Variants in MCFD2 observed in about 807,000 individuals in gnomAD.
MCFD2 encodes the protein multiple coagulation factor deficiency protein 2.
In MCFD2, 11 loss-of-function variants were observed where a neutral mutation model predicts 12.8. That is an observed-to-expected ratio of 0.86 (90% CI 0.54 to 1.42). The LOEUF (loss-of-function observed/expected upper bound fraction) is 1.42, where lower values mean the gene tolerates loss of function less well. MCFD2 is among the 40% of genes most tolerant of loss of function. The probability of loss-of-function intolerance (pLI) is 0.00; values close to 1 mark genes in which losing one functional copy is unlikely to be tolerated. For missense variants in MCFD2, 191 were observed against 178.6 expected (o/e 1.07, Z -0.40); for synonymous variants, 70 against 68.1 (o/e 1.03, Z -0.14).
chr2:46,916,095 A>T (rs1460895869), upstream of MCFD2: 32 of 985,430 alleles, frequency 3.2e-5, no homozygotes, highest in Non-Finnish European at 3.5e-5. Context: ...TCCACGGGCG[A>T]CGTAGGATGG....
chr2:46,925,490 G>A (rs1032236575), intron 1 of MCFD2, among the ~76,000 whole-genome samples: 1 of 152,058 alleles, frequency 6.6e-6, no homozygotes, highest in African/African-American at 2.4e-5. Flanking sequence ...CCTGGGAGGC[G>A]GAGGTTGCAG....
chr2:46,926,946 T>C (rs1400132378), intron 1 of MCFD2, among the ~76,000 whole-genome samples: 1 of 151,306 alleles, frequency 6.6e-6, no homozygotes, highest in Admixed American at 6.6e-5. Flanking sequence ...AAGAACTAAA[T>C]AGAAATTTGT....
At chr2:46,934,569 C>T (rs943951381) in intron 1 of MCFD2, among the ~76,000 whole-genome samples, 5 of 152,002 alleles carry the variant, frequency 3.3e-5, no homozygotes, top group African/African-American at 1.2e-4. Flanking sequence ...CCACCCAACC[C>T]GGCCTGTGAC....
chr2:46,930,746 C>T (rs542255577), intron 1 of MCFD2, among the ~76,000 whole-genome samples: 49 of 152,084 alleles, frequency 3.2e-4, no homozygotes, highest in Non-Finnish European at 5.6e-4. Context: ...GTGATCCACC[C>T]GCCTCAGCCT....
intron 1 of MCFD2, chr2:46,912,766 C>T (rs1254615731): frequency 6.6e-6 from 1 of 152,200 alleles, no homozygotes; most frequent in African/African-American, 2.4e-5. Context: ...TTTAAGAGGA[C>T]TTGGACTGAA....
chr2:46,919,527 C>CT (rs1488253748), upstream of MCFD2, among the ~76,000 whole-genome samples: 1 of 152,246 alleles, frequency 6.6e-6, no homozygotes, highest in East Asian at 1.9e-4. Context: ...GAGCTAAACT[C>CT]TGTCTCTAAA....
Position 46,941,003 on chromosome 2 carries a change from G to GT in MCFD2, c.-8+568_-8+569insA, listed in dbSNP as rs1670285345. Among the ~76,000 whole-genome samples the GT allele has an allele frequency of 6.6e-6, 1 of 151,508 alleles. No individual in the cohort carries two copies. Among genetic ancestry groups the GT allele is most frequent in the South Asian group, 2.1e-4 (1 of 4,820 alleles). ...AAGCGAGGCGCCCCCGGGCGCCGGG[G>GT]CTCCGCGCGGGATTAAAGTGAGCTC... On this transcript the variant is annotated intron_variant, in intron 1 of 2. Coordinates refer to the MCFD2 transcript ENST00000409147. The surrounding 1 kb of genome is among the most constrained non-coding windows in gnomAD (Gnocchi z 4.2).
At chr2:46,909,199 A>C in intron 1 of MCFD2, 22 bp from the exon 2 acceptor site, 1 of 1,606,312 alleles carries the variant, frequency 6.2e-7, no homozygotes, top group Non-Finnish European at 8.5e-7. Context: ...GAAACACAGA[A>C]GAGGAAGGCA....
In MCFD2 at chr2:46,904,392, GGAAAAGCC is replaced by G. The variant is rs1269161263; in HGVS notation, c.*1063_*1070del. On this transcript the variant is annotated 3_prime_UTR_variant, in exon 4 of 4. Transcript: ENST00000319466. ...CACCAACAGCTTGCACCGTGCACCT[GGAAAAGCC>G]GCAGGCACTGAACAACAGCCGTGAA... 6.5e-6 allele frequency: 1 copy of G among 153,742 alleles called. No individual in the cohort carries two copies. The highest frequency in any genetic ancestry group is 2.6e-5 in the African/African-American group (1 of 38,798). The allele number at this position is 153,742 out of a possible 1,614,324, so 9.5% of individuals were successfully genotyped here. A position where few individuals can be genotyped will look rare whatever the true frequency, so the allele number is the denominator to read the frequency against.
chr2:46,914,653 T>C lies in MCFD2; in HGVS notation c.-7+1070A>G, dbSNP rs191073884. ...TAGTACTATGACCTCGACAAACTCCTCTCACACAGATTACAACCTGGTAGA... is the reference window on the plus strand; with the variant it reads ...TAGTACTATGACCTCGACAAACTCCCCTCACACAGATTACAACCTGGTAGA... On this transcript the variant is annotated intron_variant, in intron 1 of 3. Transcript: ENST00000319466. 1.1e-4 allele frequency among the ~76,000 whole-genome samples: 16 copies of C among 152,208 alleles called. No individual in the cohort carries two copies. In the East Asian group the frequency reaches 3.1e-3, roughly 29 times the overall value.
At chr2:46,924,206 T>TAA (rs34177384) in intron 1 of MCFD2, among the ~76,000 whole-genome samples, 11 of 128,754 alleles carry the variant, frequency 8.5e-5, no homozygotes, top group South Asian at 2.5e-4. Context: ...CCTGTCTCTT[T>TAA]AAAAAAAAAA....
In MCFD2 at chr2:46,904,560, A is replaced by C. The variant is rs1351331105; in HGVS notation, c.*903T>G. On this transcript the variant is annotated 3_prime_UTR_variant, in exon 4 of 4. Coordinates refer to ENST00000319466, the MANE Select transcript of MCFD2 (RefSeq NM_139279.6). ...AAAGGAGATTATTCTGGAACTTTAA[A>C]ATTTGACAGCCCTGCTGGATTTCGG... is the stretch of plus-strand genomic sequence containing the variant. 3 of 152,150 alleles carry C rather than the reference A, an allele frequency of 2.0e-5. No homozygotes were observed. Among genetic ancestry groups the C allele is most frequent in the African/African-American group, 7.2e-5 (3 of 41,420 alleles). 9.4% of individuals were successfully genotyped at this position (152,150 alleles called of 1,614,324 possible).
chr2:46,922,613 TG>T (rs1475091317), intron 1 of MCFD2, among the ~76,000 whole-genome samples: 1 of 152,178 alleles, frequency 6.6e-6, no homozygotes, highest in Non-Finnish European at 1.5e-5. Context: ...CTGCAAATTT[TG>T]TTTCTGGTTC....
At position 46,905,297 on chromosome 2, in the gene MCFD2, C is replaced by A; in HGVS notation, c.*166G>T. ...CTATTAGATGTCCCATTTCTCTTCT[C>A]TTTCATTTCTCTTATCTCTTCTCAC... On this transcript the variant is annotated 3_prime_UTR_variant, in exon 4 of 4. Transcript: ENST00000319466. 1.4e-6 allele frequency: 1 copy of A among 735,706 alleles called. No homozygotes were observed. Among genetic ancestry groups the A allele is most frequent in the Non-Finnish European group, 2.4e-6 (1 of 418,588 alleles). 45.6% of individuals were successfully genotyped at this position (735,706 alleles called of 1,614,324 possible).
chr2:46,908,605 T>G lies in MCFD2; in HGVS notation c.149+418A>C, dbSNP rs1668345601. ...ACCGAGTATAATGCGTGAGGCTAAC[T>G]GGCCCAAGACAAAAGCTGCAACAAA... On this transcript the variant is annotated intron_variant, in intron 2 of 3. Coordinates refer to ENST00000319466, the MANE Select transcript of MCFD2 (RefSeq NM_139279.6). The surrounding 1 kb of genome is among the most constrained non-coding windows in gnomAD (Gnocchi z 4.5). 3.2e-6 allele frequency: 1 copy of G among 311,640 alleles called. No individual in the cohort carries two copies. The highest frequency in any genetic ancestry group is 2.2e-5 in the African/African-American group (1 of 45,746). 19.3% of individuals were successfully genotyped at this position (311,640 alleles called of 1,614,324 possible). A position where few individuals can be genotyped will look rare whatever the true frequency, so the allele number is the denominator to read the frequency against.
chr2:46,917,929 A>G (rs1328707458), upstream of MCFD2, among the ~76,000 whole-genome samples: 1 of 152,204 alleles, frequency 6.6e-6, no homozygotes, highest in East Asian at 1.9e-4. Flanking sequence ...TTCTCAATCT[A>G]TAATTATCAA....
At chr2:46,915,656 A>G (rs1668713525) in intron 1 of MCFD2, 67 bp downstream of exon 1, 1 of 584,416 alleles carries the variant, frequency 1.7e-6, no homozygotes, top group Non-Finnish European at 2.2e-6. Flanking sequence ...TCTTGAGCCC[A>G]AGCCTCCAGC....
Position 46,908,107 on chromosome 2 carries a change from A to AGGATTACACAG in MCFD2, c.150-139_150-138insCTGTGTAATCC, listed in dbSNP as rs1558461834. On this transcript the variant is annotated intron_variant, in intron 2 of 3. Transcript: ENST00000319466. This position sits in a 1 kb window ranked among gnomAD's most constrained non-coding sequence, Gnocchi z 4.5. Reference sequence around the variant, plus strand: ...ACACCAGCAGTGGCAGACCACACTCAAGGATTACACAGAGATAGACAAGGC... The same window carrying AGGATTACACAG: ...ACACCAGCAGTGGCAGACCACACTCAGGATTACACAGAGGATTACACAGAGATAGACAAGGC... The AGGATTACACAG allele has an allele frequency of 1.1e-6, 1 of 885,514 alleles. No homozygotes were observed. Among genetic ancestry groups the AGGATTACACAG allele is most frequent in the African/African-American group, 1.7e-5 (1 of 60,384 alleles). The allele number at this position is 885,514 out of a possible 1,614,324, so 54.9% of individuals were successfully genotyped here. A position where few individuals can be genotyped will look rare whatever the true frequency, so the allele number is the denominator to read the frequency against.
chr2:46,912,140 A>G (rs1668513030), intron 1 of MCFD2, among the ~76,000 whole-genome samples: 1 of 152,134 alleles, frequency 6.6e-6, no homozygotes, highest in Admixed American at 6.5e-5. Context: ...GTTTGAGACC[A>G]GCCTGGCCAA....
Sources: gnomAD v4.1 joint callset for allele counts (sites outside exome capture counted in the v4.1 genomes callset) on GRCh38, gnomAD v4.1.1 for gene constraint, Gnocchi (gnomAD v3.1) non-coding constraint, MANE v1.5 for transcripts, NCBI Gene and HGNC (gene_info 2026-07-23, HGNC 2026-07-21) for gene names.